Variants in ESRRG observed in about 807,000 individuals in gnomAD.
The protein encoded by ESRRG is estrogen related receptor gamma, also known as estrogen-related receptor gamma.
A neutral mutation model predicts 44.0 loss-of-function variants in ESRRG; 13 were observed. The observed-to-expected ratio is 0.30, with a 90% CI of 0.19 to 0.47. The LOEUF (loss-of-function observed/expected upper bound fraction) is 0.47, where lower values mean the gene tolerates loss of function less well. Ranked by LOEUF, ESRRG falls within the 20% of genes least tolerant of loss-of-function variation. ESRRG has a pLI of 1.00. For synonymous variants in ESRRG, 215 were observed against 214.6 expected, an observed-to-expected ratio of 1.00 and a Z score of -0.02; for missense variants, 395 against 580.6, an observed-to-expected ratio of 0.68 and a Z score of 3.29.
chr1:216,665,588 C>T (rs2073725709), intron 2 of ESRRG, among the ~76,000 whole-genome samples: 1 of 151,870 alleles, frequency 6.6e-6, no homozygotes. Context: ...TTACATCTGG[C>T]ATGATGAAAT....
intron 2 of ESRRG, among the ~76,000 whole-genome samples, chr1:216,775,597 A>C (rs2093581241): frequency 1.1e-5 from 1 of 91,782 alleles, no homozygotes; most frequent in African/African-American, 3.8e-5. Flanking sequence ...TTTTTTAGAC[A>C]GCGTCTCACG....
intron 2 of ESRRG, among the ~76,000 whole-genome samples, chr1:216,732,607 C>A (rs2089060070): frequency 6.6e-6 from 1 of 151,884 alleles, no homozygotes; most frequent in East Asian, 1.9e-4. Flanking sequence ...GAATGCCTGA[C>A]CTCAGCTGAT....
At chr1:216,970,096 C>A (rs1276806950) in intron 1 of ESRRG, among the ~76,000 whole-genome samples, 1 of 152,044 alleles carries the variant, frequency 6.6e-6, no homozygotes, top group Non-Finnish European at 1.5e-5. Flanking sequence ...CAGCTACAAC[C>A]CCATAGCTTT....
At chr1:217,127,266 CTTATATGT>C (rs2092904765) in intron 1 of ESRRG, among the ~76,000 whole-genome samples, 2 of 152,108 alleles carry the variant, frequency 1.3e-5, no homozygotes, top group East Asian at 3.9e-4. Flanking sequence ...TTGCCTTTTG[CTTATATGT>C]TTTGGTTATA....
chr1:216,966,004 C>T (rs140943235), intron 1 of ESRRG, among the ~76,000 whole-genome samples: 151 of 152,208 alleles, frequency 9.9e-4, no homozygotes, highest in South Asian at 4.8e-3. Flanking sequence ...ATTTCTAATG[C>T]GCTCCAAAAT....
Position 217,058,657 on chromosome 1 carries a change from T to C in ESRRG, c.-106+30850A>G, listed in dbSNP as rs185180264. On this transcript the variant is annotated intron_variant, in intron 1 of 7. Coordinates refer to the ESRRG transcript ENST00000359162. ...TTCAATAACCACATTAGTACTAGTA[T>C]TAGTATTGTCCTCCTGAGATTACTG... is the stretch of plus-strand genomic sequence containing the variant. Among the ~76,000 whole-genome samples the C allele has an allele frequency of 1.6e-3, 249 of 152,164 alleles. 2 individuals are homozygous for C. The highest frequency in any genetic ancestry group is 3.3e-3 in the South Asian group (16 of 4,830).
At chr1:216,779,116 AT>A (rs1161189653) in intron 2 of ESRRG, among the ~76,000 whole-genome samples, 3 of 125,940 alleles carry the variant, frequency 2.4e-5, no homozygotes, top group Non-Finnish European at 4.8e-5. Flanking sequence ...ATATATATAT[AT>A]AATTATATAT....
At chr1:216,766,054 C>T (rs770246286) in intron 2 of ESRRG, among the ~76,000 whole-genome samples, 1 of 152,098 alleles carries the variant, frequency 6.6e-6, no homozygotes, top group Admixed American at 6.6e-5. Flanking sequence ...AAGCAATCTT[C>T]GTCACAAATC....
Position 216,626,864 on chromosome 1 carries a change from T to C in ESRRG, c.589+24109A>G, listed in dbSNP as rs573706015. Among the ~76,000 whole-genome samples the C allele has an allele frequency of 3.0e-4, 46 of 152,328 alleles. 1 individual carries two copies. The South Asian group carries it at 7.7e-3, about 25-fold the overall frequency. On this transcript the variant is annotated intron_variant, in intron 3 of 6. Coordinates refer to ENST00000408911, the MANE Select transcript of ESRRG (RefSeq NM_001438.4). ...AAAAATGAGAGAGTCAGGGCATAGA[T>C]AGCCAAATAGATTAGAATCAAAAGT...
At chr1:216,921,416 A>G (rs999558738) in intron 2 of ESRRG, among the ~76,000 whole-genome samples, 3 of 152,164 alleles carry the variant, frequency 2.0e-5, no homozygotes, top group African/African-American at 7.2e-5. Flanking sequence ...AAAACTTCCC[A>G]AGGGCTCCCC....
intron 1 of ESRRG, among the ~76,000 whole-genome samples, chr1:216,954,515 C>T (rs1345367338): frequency 6.6e-6 from 1 of 152,078 alleles, no homozygotes; most frequent in East Asian, 1.9e-4. Context: ...GTGCATTATG[C>T]AATTTTCAAT....
chr1:216,844,930 A>G (rs1427915533), intron 2 of ESRRG, among the ~76,000 whole-genome samples: 2 of 152,190 alleles, frequency 1.3e-5, no homozygotes, highest in Non-Finnish European at 2.9e-5. Flanking sequence ...ATATTTATTT[A>G]GTTGGATTGA....
intron 1 of ESRRG, among the ~76,000 whole-genome samples, chr1:217,033,770 T>C (rs1006558745): frequency 5.3e-5 from 8 of 152,234 alleles, no homozygotes; most frequent in African/African-American, 1.4e-4. Flanking sequence ...TAATAATAGC[T>C]AAGTAGCTTG....
At chr1:216,638,701 T>C (rs1361677150) in intron 3 of ESRRG, among the ~76,000 whole-genome samples, 1 of 152,196 alleles carries the variant, frequency 6.6e-6, no homozygotes, top group East Asian at 1.9e-4. Flanking sequence ...GGATAGAAAC[T>C]CTTTTGTCCA....
At chr1:216,931,581 C>T (rs530540305) in intron 2 of ESRRG, among the ~76,000 whole-genome samples, 38 of 152,092 alleles carry the variant, frequency 2.5e-4, no homozygotes, top group African/African-American at 8.7e-4. Flanking sequence ...AGCTGCACCC[C>T]GCCTCCCAAC....
chr1:216,560,009 G>A (rs1239350198), intron 5 of ESRRG, among the ~76,000 whole-genome samples: 1 of 152,112 alleles, frequency 6.6e-6, no homozygotes, highest in African/African-American at 2.4e-5. Context: ...AAGTCAATGA[G>A]CAATTTTTGA....
Position 216,715,103 on chromosome 1 carries a change from T to A in ESRRG, c.56+8141A>T, listed in dbSNP as rs2084549990. The A allele has an allele frequency of 3.0e-6, 3 of 985,294 alleles. No individual in the cohort carries two copies. The South Asian group carries it at 1.4e-4, about 46-fold the overall frequency. The allele number at this position is 985,294 out of a possible 1,614,324, so 61.0% of individuals were successfully genotyped here. On this transcript the variant is annotated intron_variant, in intron 1 of 6. Coordinates refer to ENST00000408911, the MANE Select transcript of ESRRG (RefSeq NM_001438.4). ...GCCCAACTCCTGATGCTGTCTAGAC[T>A]CCAAGAACAGAATGAGCCTTCCTTT...
intron 1 of ESRRG, among the ~76,000 whole-genome samples, chr1:217,048,303 TG>T (rs1196981562): frequency 2.0e-5 from 3 of 152,090 alleles, no homozygotes; most frequent in Non-Finnish European, 2.9e-5. Flanking sequence ...GGTATTCTGT[TG>T]GATTCCAGAT....
chr1:216,721,689 T>A (rs192114476), intron 1 of ESRRG, among the ~76,000 whole-genome samples: 23 of 152,352 alleles, frequency 1.5e-4, no homozygotes, highest in African/African-American at 5.0e-4. Flanking sequence ...TTGTTTTCTT[T>A]ATTTATTTAC....
Sources: allele counts gnomAD v4.1 joint callset (sites outside exome capture counted in the v4.1 genomes callset), GRCh38; gene constraint gnomAD v4.1.1; transcripts MANE v1.5; gene names NCBI Gene and HGNC (gene_info 2026-07-23, HGNC 2026-07-21).